The following ADAMTS17 variants were observed in gnomAD, a reference collection of about 807,000 sequenced individuals.
ADAMTS17 encodes the protein A disintegrin and metalloproteinase with thrombospondin motifs 17.
ADAMTS17 carries 113 observed loss-of-function variants against 141.5 expected under a neutral mutation model. The ratio of observed to expected loss-of-function variants is 0.80; its 90% CI spans 0.69 to 0.93. The LOEUF (loss-of-function observed/expected upper bound fraction) is 0.93, where lower values mean the gene tolerates loss of function less well. ADAMTS17 is among the 40% of genes least tolerant of loss of function. ADAMTS17 has a pLI of 0.00. For synonymous variants in ADAMTS17, 768 were observed against 630.6 expected (o/e 1.22, Z -3.27); for missense variants, 1,659 against 1,517.9 (o/e 1.09, Z -1.54).
intron 8 of ADAMTS17, among the ~76,000 whole-genome samples, chr15:100,188,956 C>T (rs1368328672): frequency 1.3e-5 from 2 of 152,204 alleles, no homozygotes; most frequent in East Asian, 1.9e-4. Context: ...GTTATATATA[C>T]CTGCAGCTGC....
At chr15:100,154,478 C>A (rs2039337187) in intron 9 of ADAMTS17, among the ~76,000 whole-genome samples, 1 of 152,168 alleles carries the variant, frequency 6.6e-6, no homozygotes, top group African/African-American at 2.4e-5. Context: ...GCAGGTGAGA[C>A]TCGCCGACTC....
Sources: gnomAD v4.1 joint callset for allele counts (sites outside exome capture counted in the v4.1 genomes callset) on GRCh38, gnomAD v4.1.1 for gene constraint, MANE v1.5 for transcripts, NCBI Gene and HGNC (gene_info 2026-07-23, HGNC 2026-07-21) for gene names.